ADAMTS3: variants seen among roughly 807,000 people sequenced by gnomAD.
ADAMTS3 encodes ADAM metallopeptidase with thrombospondin type 1 motif 3, also known as A disintegrin and metalloproteinase with thrombospondin motifs 3.
ADAMTS3 carries 73 observed loss-of-function variants against 129.0 expected under a neutral mutation model. The ratio of observed to expected loss-of-function variants is 0.57; its 90% CI spans 0.47 to 0.69. The LOEUF is 0.69. Ranked by LOEUF, ADAMTS3 falls within the 30% of genes least tolerant of loss-of-function variation. The pLI, the probability that ADAMTS3 is intolerant of heterozygous loss-of-function variation, is 0.00. For missense variants in ADAMTS3, 1,457 were observed against 1,514.5 expected (o/e 0.96, Z 0.63); for synonymous variants, 477 against 510.8 (o/e 0.93, Z 0.89).
chr4:72,548,372 C>CA (rs1221963083), intron 3 of ADAMTS3, 106 bp downstream of exon 3: 24 of 1,193,298 alleles, frequency 2.0e-5, no homozygotes, highest in Non-Finnish European at 2.6e-5. Flanking sequence ...TAAAATGTAA[C>CA]ATAACAATGA....
intron 3 of ADAMTS3, among the ~76,000 whole-genome samples, chr4:72,425,080 A>G (rs1308563658): frequency 1.3e-5 from 2 of 152,188 alleles, no homozygotes; most frequent in African/African-American, 2.4e-5. Context: ...GAAACAAGAA[A>G]GCATATTCTT....
chr4:72,559,875 C>T (rs761627997), intron 2 of ADAMTS3, among the ~76,000 whole-genome samples: 2 of 151,604 alleles, frequency 1.3e-5, no homozygotes, highest in Non-Finnish European at 2.9e-5. Flanking sequence ...AAAAAGAGCT[C>T]ATATAGCCAA....
intron 3 of ADAMTS3, among the ~76,000 whole-genome samples, chr4:72,507,796 C>A (rs994710320): frequency 5.3e-5 from 8 of 152,200 alleles, no homozygotes; most frequent in African/African-American, 1.9e-4. Context: ...GTTAGCCTAA[C>A]AAAACCCTCC....
intron 3 of ADAMTS3, among the ~76,000 whole-genome samples, chr4:72,488,184 T>C (rs922347926): frequency 2.0e-5 from 3 of 152,012 alleles, no homozygotes; most frequent in African/African-American, 7.2e-5. Context: ...CTTTGTGGTC[T>C]TGATTTAATA....
At chr4:72,316,314 TATA>T (rs1266424270) in intron 10 of ADAMTS3, among the ~76,000 whole-genome samples, 1 of 152,136 alleles carries the variant, frequency 6.6e-6, no homozygotes, top group African/African-American at 2.4e-5. Flanking sequence ...AATATGAAAA[TATA>T]ATGGTTTGGC....
At chr4:72,412,569 C>T (rs544994984) in intron 4 of ADAMTS3, among the ~76,000 whole-genome samples, 1 of 152,058 alleles carries the variant, frequency 6.6e-6, no homozygotes, top group South Asian at 2.1e-4. Context: ...TATATGGTTA[C>T]AATTCAAGAT....
intron 3 of ADAMTS3, among the ~76,000 whole-genome samples, chr4:72,461,201 G>A (rs1209257704): frequency 1.3e-5 from 2 of 151,444 alleles, no homozygotes; most frequent in African/African-American, 2.4e-5. Context: ...TACATCTTTA[G>A]GGTAAATACT....
At chr4:72,361,052 C>A (rs1720715845) in intron 4 of ADAMTS3, among the ~76,000 whole-genome samples, 1 of 152,178 alleles carries the variant, frequency 6.6e-6, no homozygotes, top group South Asian at 2.1e-4. Context: ...TGTCTTCAAC[C>A]AGAGCAACCC....
At chr4:72,551,472 T>C (rs1721644918) in intron 2 of ADAMTS3, among the ~76,000 whole-genome samples, 4 of 152,174 alleles carry the variant, frequency 2.6e-5, no homozygotes, top group Admixed American at 2.6e-4. Context: ...TCCTAAAAAG[T>C]ATACATAATA....
chr4:72,346,568 G>A (rs1305937191), intron 4 of ADAMTS3, among the ~76,000 whole-genome samples: 2 of 152,032 alleles, frequency 1.3e-5, no homozygotes, highest in Admixed American at 1.3e-4. Flanking sequence ...TTTCATTTCA[G>A]TGGTTTATTG....
chr4:72,486,161 T>A (rs578147776), intron 3 of ADAMTS3, among the ~76,000 whole-genome samples: 1 of 152,304 alleles, frequency 6.6e-6, no homozygotes, highest in South Asian at 2.1e-4. Context: ...ACTGAAAAAC[T>A]TCTGTAGTAA....
intron 4 of ADAMTS3, among the ~76,000 whole-genome samples, chr4:72,388,054 T>C (rs894280594): frequency 6.6e-6 from 1 of 152,200 alleles, no homozygotes; most frequent in Non-Finnish European, 1.5e-5. Context: ...CAGACTACTT[T>C]GTAAAGAGGA....
At position 72,524,931 on chromosome 4, in the gene ADAMTS3, C is replaced by T. The variant is rs571539747; in HGVS notation, c.504+23547G>A. 5.6e-4 allele frequency among the ~76,000 whole-genome samples: 85 copies of T among 152,242 alleles called. 1 individual carries two copies. In the South Asian group the frequency reaches 7.5e-3, roughly 13 times the overall value. On this transcript the variant is annotated intron_variant, in intron 3 of 21. Coordinates refer to ENST00000286657, the MANE Select transcript of ADAMTS3 (RefSeq NM_014243.3). The stretch of plus-strand genomic sequence containing the variant: ...ACTCTGGATTCATAATCAGGTGCTA[C>T]GTAGGAAAAACACTAGAGACAGCAG...
chr4:72,474,500 C>T (rs1253338595), intron 3 of ADAMTS3, among the ~76,000 whole-genome samples: 1 of 151,888 alleles, frequency 6.6e-6, no homozygotes, highest in South Asian at 2.1e-4. Context: ...TAGATGTTAT[C>T]TAATCTGAAC....
intron 3 of ADAMTS3, among the ~76,000 whole-genome samples, chr4:72,533,673 A>ATATGTATATATACATATACATG (rs1164175826): frequency 6.6e-6 from 1 of 151,372 alleles, no homozygotes; most frequent in Non-Finnish European, 1.5e-5. Context: ...GTATATGCAC[A>ATATGTATATATACATATACATG]TATATGCACA....
intron 3 of ADAMTS3, among the ~76,000 whole-genome samples, chr4:72,518,457 A>T (rs1225911322): frequency 6.6e-6 from 1 of 151,868 alleles, no homozygotes; most frequent in Non-Finnish European, 1.5e-5. Context: ...TCCCATTTTT[A>T]TTGTGTGGGA....
intron 17 of ADAMTS3, 25 bp downstream of exon 17, chr4:72,303,892 A>G: frequency 6.2e-7 from 1 of 1,611,288 alleles, no homozygotes; most frequent in Non-Finnish European, 8.5e-7. Flanking sequence ...AGCTAACTAT[A>G]CCATGAGCCC....
At position 72,389,909 on chromosome 4, in the gene ADAMTS3, T is replaced by A. The variant is rs546069710; in HGVS notation, c.661+24906A>T. On this transcript the variant is annotated intron_variant, in intron 4 of 21. Coordinates refer to ENST00000286657, the MANE Select transcript of ADAMTS3 (RefSeq NM_014243.3). ...TTAGCTTACAATTCACTTATATTTT[T>A]CTAATGATAAGGAGAGAGAGAAGGA... Among the ~76,000 whole-genome samples the A allele has an allele frequency of 1.0e-4, 8 of 76,948 alleles. No individual in the cohort carries two copies. In the East Asian group the frequency reaches 2.4e-3, roughly 23 times the overall value. The allele number at this position is 76,948 out of a possible 152,430, so 50.5% of individuals were successfully genotyped here. A position where few individuals can be genotyped will look rare whatever the true frequency, so the allele number is the denominator to read the frequency against.
intron 2 of ADAMTS3, among the ~76,000 whole-genome samples, chr4:72,549,950 TAAAAAA>T (rs34598767): frequency 1.6e-4 from 2 of 12,650 alleles, no homozygotes; most frequent in East Asian, 4.2e-3. Flanking sequence ...GCAACAAGGG[TAAAAAA>T]AAAAAAAAGA....
Sources: gnomAD v4.1 joint callset for allele counts (sites outside exome capture counted in the v4.1 genomes callset) on GRCh38, gnomAD v4.1.1 for gene constraint, MANE v1.5 for transcripts, NCBI Gene and HGNC (gene_info 2026-07-23, HGNC 2026-07-21) for gene names.